The following CROCC variants were observed in gnomAD, a reference collection of about 807,000 sequenced individuals.
The protein encoded by CROCC is rootletin.
A neutral mutation model predicts 245.2 loss-of-function variants in CROCC; 180 were observed. The ratio of observed to expected loss-of-function variants is 0.73; its 90% CI spans 0.65 to 0.83. CROCC has a LOEUF of 0.83. CROCC is among the 40% of genes least tolerant of loss of function. The pLI is 0.00. For synonymous variants in CROCC, 1,205 were observed against 1,241.6 expected (o/e 0.97, Z 0.62); for missense variants, 2,688 against 2,779.4 (o/e 0.97, Z 0.74).
intron 28 of CROCC, 37 bp downstream of exon 28, chr1:16,965,929 G>A: frequency 1.2e-6 from 2 of 1,605,512 alleles, no homozygotes; most frequent in Non-Finnish European, 1.7e-6. Flanking sequence ...GGGGAACCTG[G>A]AGGGCCCTGG....
intron 33 of CROCC, 91 bp downstream of exon 33, chr1:16,970,025 A>C: frequency 1.4e-6 from 2 of 1,458,810 alleles, no homozygotes; most frequent in African/African-American, 1.4e-5. Flanking sequence ...CCTCATCCCA[A>C]ACCCTGGTGC....
At chr1:16,918,739 T>G (rs12136054), upstream of CROCC, among the ~76,000 whole-genome samples, 1 of 5,472 alleles carries the variant, frequency 1.8e-4, no homozygotes, top group African/African-American at 5.4e-4. Flanking sequence ...TAGTTTTTTG[T>G]TTTTGTTTTT....
intron 1 of CROCC, among the ~76,000 whole-genome samples, chr1:16,915,817 C>T (rs1379293699): frequency 6.6e-6 from 1 of 152,234 alleles, no homozygotes; most frequent in East Asian, 1.9e-4. Flanking sequence ...GGAAGTGCGT[C>T]CCAGGCAGAG....
At chr1:16,922,901 C>A in intron 2 of CROCC, 103 bp downstream of exon 2, 3 of 1,453,420 alleles carry the variant, frequency 2.1e-6, no homozygotes, top group Non-Finnish European at 1.8e-6. Flanking sequence ...CTGTAACTCA[C>A]TGTGGGGCAG....
At chr1:16,925,556 G>T (rs2075516024) in intron 3 of CROCC, among the ~76,000 whole-genome samples, 1 of 152,284 alleles carries the variant, frequency 6.6e-6, no homozygotes. Context: ...GGGCACAGCT[G>T]GCCCCCACAA....
In CROCC at chr1:16,954,248, A is replaced by T; in HGVS notation, c.3212A>T (p.Lys1071Met). 6.2e-7 allele frequency: 1 copy of T among 1,611,602 alleles called. No individual in the cohort carries two copies. The highest frequency in any genetic ancestry group is 8.5e-7 in the Non-Finnish European group (1 of 1,179,758). Residue 1071 changes from lysine (K) to methionine (M), a missense_variant, in exon 22 of 37, where the codon AAG becomes ATG. Around this residue, in one of 9 missense-constraint regions of CROCC, gnomAD observed 1 missense variants for 19.1 expected, o/e 0.05. Coordinates refer to ENST00000375541, the MANE Select transcript of CROCC (RefSeq NM_014675.5). The surrounding 1 kb of genome is among the most constrained non-coding windows in gnomAD (Gnocchi z 4.4). ...QQALSLKESE[K>M]TALSEKLMGT... The stretch of plus-strand genomic sequence containing the variant: ...GCCTTGTCTCTGAAGGAGTCTGAGA[A>T]GACGGCGCTGTCAGAGAAGTTGATG...
At chr1:16,962,064 T>A (rs1324939644) in intron 27 of CROCC, among the ~76,000 whole-genome samples, 2 of 149,394 alleles carry the variant, frequency 1.3e-5, no homozygotes, top group Admixed American at 1.3e-4. Flanking sequence ...TTTTAATTAT[T>A]CTTTTTGTTT....
At chr1:16,930,671 T>G in intron 7 of CROCC, 77 bp downstream of exon 7, 1 of 1,353,286 alleles carries the variant, frequency 7.4e-7, no homozygotes, top group Non-Finnish European at 1.0e-6. Context: ...CTCAGAAGCC[T>G]GGAGAGGGAG....
In CROCC at chr1:16,921,964, C is replaced by T. The variant is rs1220348113; in HGVS notation, c.-55C>T. 4.7e-6 allele frequency: 7 copies of T among 1,491,394 alleles called. No individual in the cohort carries two copies. In the East Asian group the frequency reaches 1.7e-4, roughly 37 times the overall value. The allele number at this position is 1,491,394 out of a possible 1,614,324, so 92.4% of individuals were successfully genotyped here. ...CTGGCTGTGGCGCGTGCTGACTGAGCTAGTCTTGGGGTCCTGGAGAAGGGG... is the reference window on the plus strand; with the variant it reads ...CTGGCTGTGGCGCGTGCTGACTGAGTTAGTCTTGGGGTCCTGGAGAAGGGG... On this transcript the variant is annotated 5_prime_UTR_variant, in exon 1 of 37. Transcript: ENST00000375541.
intron 26 of CROCC, 36 bp from the exon 27 acceptor site, chr1:16,960,722 G>C: frequency 6.8e-7 from 1 of 1,465,830 alleles, no homozygotes; most frequent in Non-Finnish European, 9.0e-7. Context: ...GGTTGGGAGA[G>C]GTCTTGCCGA....
At chr1:16,942,628 G>A (rs367791085) in intron 13 of CROCC, among the ~76,000 whole-genome samples, 19 of 152,390 alleles carry the variant, frequency 1.2e-4, no homozygotes, top group African/African-American at 4.3e-4. Context: ...CTCTGTTGTT[G>A]TAAGCTTGAG....
At chr1:16,941,724 T>G (rs771467732) in intron 13 of CROCC, among the ~76,000 whole-genome samples, 8 of 144,620 alleles carry the variant, frequency 5.5e-5, no homozygotes, top group Non-Finnish European at 1.2e-4. Context: ...AGAGCAAGAC[T>G]CCGTCTCAAA....
chr1:16,914,131 C>G (rs1236799582), intron 1 of CROCC, among the ~76,000 whole-genome samples: 5 of 97,952 alleles, frequency 5.1e-5, no homozygotes, highest in Admixed American at 1.1e-4. Flanking sequence ...GGCGAAGGCG[C>G]GCGAAGGTAG....
rs1460097232 is a variant in CROCC at position 16,971,609 on chromosome 1, C to T, written c.5929C>T (p.Arg1977Trp). ...TGAGCGCACCCTGGAGGCTCGGGAG[C>T]GGGCCCACCGCCAGAGGGTGCGTGG... is the stretch of plus-strand genomic sequence containing the variant. ...QTERTLEARE[R>W]AHRQRVRGLE... is the part of the protein sequence containing the mutation. Residue 1977 changes from arginine (R) to tryptophan (W), a missense_variant, in exon 36 of 37, where the codon CGG (arginine) becomes TGG (tryptophan). Physicochemically the swap from Arg to Trp is moderately radical, Grantham distance 101. Coordinates refer to ENST00000375541, the MANE Select transcript of CROCC (RefSeq NM_014675.5). 1.7e-5 allele frequency: 26 copies of T among 1,517,548 alleles called. No homozygotes were observed. Among genetic ancestry groups the T allele is most frequent in the South Asian group, 2.4e-5 (2 of 82,366 alleles). The allele number at this position is 1,517,548 out of a possible 1,614,324, so 94.0% of individuals were successfully genotyped here.
At chr1:16,947,468 C>CAATAATAATAAT (rs71006403) in intron 17 of CROCC, among the ~76,000 whole-genome samples, 9,939 of 146,078 alleles carry the variant, frequency 0.068, 376 homozygotes, top group South Asian at 0.12. Flanking sequence ...GACTCCGTCT[C>CAATAATAATAAT]AATAATAATA....
intron 8 of CROCC, among the ~76,000 whole-genome samples, chr1:16,935,720 G>A (rs1475623212): frequency 6.6e-5 from 10 of 152,380 alleles, no homozygotes; most frequent in East Asian, 1.9e-4. Flanking sequence ...CACCAAGCCT[G>A]GCCTTCCACT....
chr1:16,927,211 G>A (rs1369868894), intron 3 of CROCC, among the ~76,000 whole-genome samples: 2 of 152,220 alleles, frequency 1.3e-5, no homozygotes, highest in Admixed American at 6.5e-5. Flanking sequence ...AGTGTTAGCC[G>A]CACACACAGC....
rs761767933 is a variant in CROCC, at chr1:16,937,664, T to C, written c.1217T>C (p.Val406Ala). The change falls in exon 10 of 37, where the codon GTG becomes GCG. Residue 406 changes from valine to alanine, a missense_variant. By Grantham distance (64) the Val-to-Ala change is moderately conservative (BLOSUM62 0). This residue lies in a region of CROCC where 972 missense variants were observed against 895.3 expected (regional missense o/e 1.09). Coordinates refer to ENST00000375541, the MANE Select transcript of CROCC (RefSeq NM_014675.5). ...AGAGTGACAGAGCTGGGCCTGGCAG[T>C]GAAGCGTCTTGAGAAGCAGAATCTG... is the stretch of plus-strand genomic sequence containing the variant. Reference protein sequence around the residue: ...SARVTELGLAVKRLEKQNLEK... With the variant: ...SARVTELGLAAKRLEKQNLEK... The C allele has an allele frequency of 5.0e-6, 8 of 1,611,460 alleles. No homozygotes were observed. The highest frequency in any genetic ancestry group is 6.8e-6 in the Non-Finnish European group (8 of 1,179,516).
At chr1:16,970,991 G>A (rs907128303) in intron 35 of CROCC, 4 of 485,128 alleles carry the variant, frequency 8.2e-6, no homozygotes, top group African/African-American at 3.9e-5. Flanking sequence ...GTTCATGTAC[G>A]TTGTGGCCAT....
Sources: gnomAD v4.1 joint callset for allele counts (sites outside exome capture counted in the v4.1 genomes callset) on GRCh38, gnomAD v4.1.1 for gene constraint, gnomAD v4.1.1 regional missense constraint, Gnocchi (gnomAD v3.1) non-coding constraint, MANE v1.5 for transcripts, NCBI Gene and HGNC (gene_info 2026-07-23, HGNC 2026-07-21) for gene names.